Variants in RASGRF1 observed in about 807,000 individuals in gnomAD.
The protein encoded by RASGRF1 is ras-specific guanine nucleotide-releasing factor 1.
Under a neutral mutation model 138.7 loss-of-function variants are expected in RASGRF1, and 40 were observed. The observed-to-expected ratio is 0.29, with a 90% CI of 0.22 to 0.38. RASGRF1 has a LOEUF of 0.38. Ranked by LOEUF, RASGRF1 falls within the 10% of genes least tolerant of loss-of-function variation. The probability of loss-of-function intolerance (pLI) is 1.00; values close to 1 mark genes in which losing one functional copy is unlikely to be tolerated. For synonymous variants in RASGRF1, 614 were observed against 663.2 expected (o/e 0.93, Z 1.14); for missense variants, 1,108 against 1,650.4 (o/e 0.67, Z 5.69).
intron 14 of RASGRF1, chr15:79,005,330 AGCTCT>A (rs574715770): frequency 2.0e-6 from 2 of 985,332 alleles, no homozygotes; most frequent in African/African-American, 3.5e-5. Flanking sequence ...GTGATTCAGG[AGCTCT>A]GCTCCAGGCA....
Position 79,090,721 on chromosome 15 carries a change from G to T in RASGRF1, c.-223C>A. On this transcript the variant is annotated 5_prime_UTR_variant, in exon 1 of 27. Coordinates refer to ENST00000558480, the MANE Select transcript of RASGRF1 (RefSeq NM_001145648.3). The stretch of plus-strand genomic sequence containing the variant: ...TGGAACCTCTTCTCCGCTCCGCAGA[G>T]CCCCAGTACCCGGAAGATGCCGCCC... 1.6e-6 allele frequency: 1 copy of T among 626,258 alleles called. No individual in the cohort carries two copies. Among genetic ancestry groups the T allele is most frequent in the Non-Finnish European group, 2.6e-6 (1 of 377,898 alleles). 38.8% of individuals were successfully genotyped at this position (626,258 alleles called of 1,614,324 possible).
At chr15:79,071,423 AG>A (rs2057753908) in intron 1 of RASGRF1, among the ~76,000 whole-genome samples, 1 of 149,304 alleles carries the variant, frequency 6.7e-6, no homozygotes, top group South Asian at 2.1e-4. Flanking sequence ...ACAGTGGCAC[AG>A]TCTCTGCTCA....
intron 19 of RASGRF1, chr15:78,997,836 T>C (rs1388920226): frequency 6.2e-6 from 3 of 486,548 alleles, no homozygotes; most frequent in Non-Finnish European, 1.1e-5. Context: ...TGGACACACA[T>C]GGAGAAGTGT....
intron 8 of RASGRF1, among the ~76,000 whole-genome samples, chr15:79,029,896 G>A (rs1376637494): frequency 1.3e-5 from 2 of 152,156 alleles, no homozygotes; most frequent in African/African-American, 2.4e-5. Context: ...GGCACCATGT[G>A]CCACCTGCAG....
rs2056666821 is a variant in RASGRF1, at chr15:79,006,086, C to T, written c.2075+100G>A. On this transcript the variant is annotated intron_variant, in intron 14 of 26. Transcript: ENST00000558480. This position sits in a 1 kb window ranked among gnomAD's most constrained non-coding sequence, Gnocchi z 4.0. ...CCCCAACACGTTACTGCTGCTCCTC[C>T]AGGGACCTTCCAGGTCACCCCCCGG... 23 of 1,525,236 alleles carry T rather than the reference C, an allele frequency of 1.5e-5. No homozygotes were observed. In the Middle Eastern group the frequency reaches 5.8e-4, roughly 38 times the overall value. 94.5% of individuals were successfully genotyped at this position (1,525,236 alleles called of 1,614,324 possible).
rs532473159 is a variant in RASGRF1 at position 79,047,214 on chromosome 15, C to T, written c.625-215G>A. On this transcript the variant is annotated intron_variant, in intron 4 of 26. Coordinates refer to ENST00000558480, the MANE Select transcript of RASGRF1 (RefSeq NM_001145648.3). The stretch of plus-strand genomic sequence containing the variant: ...GGTTGCCCTGAGTCAGTTTTCCCAT[C>T]TGTAAAATGGGGCTAAAGAGATGAT... Among the ~76,000 whole-genome samples, 6 of 152,308 alleles carry T rather than the reference C, an allele frequency of 3.9e-5. No individual in the cohort carries two copies. The South Asian group carries it at 1.2e-3, about 32-fold the overall frequency.
intron 1 of RASGRF1, among the ~76,000 whole-genome samples, chr15:79,085,486 A>C (rs189197294): frequency 6.6e-6 from 1 of 152,340 alleles, no homozygotes. Flanking sequence ...ACAACATCCC[A>C]GGGTTCTGTG....
At chr15:78,977,068 T>C (rs762244476) in intron 24 of RASGRF1, among the ~76,000 whole-genome samples, 2 of 152,182 alleles carry the variant, frequency 1.3e-5, no homozygotes, top group Non-Finnish European at 2.9e-5. Context: ...CTGATGATGT[T>C]AAATGGAATA....
Position 79,046,606 on chromosome 15 carries a change from A to G in RASGRF1, c.878+140T>C. 7.2e-7 allele frequency: 1 copy of G among 1,387,862 alleles called. No homozygotes were observed. The highest frequency in any genetic ancestry group is 9.9e-7 in the Non-Finnish European group (1 of 1,014,512). The allele number at this position is 1,387,862 out of a possible 1,614,324, so 86.0% of individuals were successfully genotyped here. The stretch of plus-strand genomic sequence containing the variant: ...TTATTGGGGTTGGTGGTTTCTAGCC[A>G]CGTGATCTTGGGCACTTCTGTCCTC... On this transcript the variant is annotated intron_variant, in intron 5 of 26. Transcript: ENST00000558480. This position sits in a 1 kb window ranked among gnomAD's most constrained non-coding sequence, Gnocchi z 5.3.
chr15:78,990,296 C>T, intron 21 of RASGRF1, 23 bp from the exon 22 acceptor site: 1 of 1,505,414 alleles, frequency 6.6e-7, no homozygotes, highest in African/African-American at 1.4e-5. Context: ...AGGGGAGACC[C>T]AGGTGGAGGG....
At chr15:79,011,125 G>A (rs1011332102) in intron 13 of RASGRF1, among the ~76,000 whole-genome samples, 1 of 151,992 alleles carries the variant, frequency 6.6e-6, no homozygotes, top group African/African-American at 2.4e-5. Context: ...CCCCATAAGA[G>A]TGGCTGGCAG....
At chr15:79,033,045 C>T (rs1567551442) in intron 6 of RASGRF1, among the ~76,000 whole-genome samples, 1 of 152,168 alleles carries the variant, frequency 6.6e-6, no homozygotes, top group Non-Finnish European at 1.5e-5. Flanking sequence ...CGTTCATCTG[C>T]CATTGTCCAA....
Position 79,058,388 on chromosome 15 carries a change from C to T in RASGRF1, c.477G>A (p.Gln159=). The change falls in exon 3 of 27, where the codon CAG becomes CAA. Residue 159 remains glutamine, a synonymous_variant. Transcript: ENST00000558480. ...IVETEKTVAK[Q]LRQQIEDGEI... Reference sequence around the variant, plus strand: ...CCCCATCCTCGATCTGCTGCCGAAGCTGCTTGGCCACGGTCTTCTCTGTCT... The same window carrying T: ...CCCCATCCTCGATCTGCTGCCGAAGTTGCTTGGCCACGGTCTTCTCTGTCT... 1 of 1,614,194 alleles carries T rather than the reference C, an allele frequency of 6.2e-7. No homozygotes were observed. Among genetic ancestry groups the T allele is most frequent in the South Asian group, 1.1e-5 (1 of 91,088 alleles).
At chr15:79,066,056 C>G (rs2057676452) in intron 1 of RASGRF1, among the ~76,000 whole-genome samples, 1 of 151,984 alleles carries the variant, frequency 6.6e-6, no homozygotes, top group Admixed American at 6.5e-5. Context: ...CCTCAAATAA[C>G]TGAATCTGAA....
At chr15:78,993,109 G>A (rs1023515838) in intron 20 of RASGRF1, among the ~76,000 whole-genome samples, 1 of 144,148 alleles carries the variant, frequency 6.9e-6, no homozygotes, top group Admixed American at 6.9e-5. Flanking sequence ...TGTTTGTGGT[G>A]TGGGGTGTGT....
chr15:79,060,377 C>T (rs1206287397), intron 2 of RASGRF1, among the ~76,000 whole-genome samples: 1 of 152,228 alleles, frequency 6.6e-6, no homozygotes, highest in Non-Finnish European at 1.5e-5. Flanking sequence ...TTGACACGTG[C>T]TGCTGGCTTC....
intron 24 of RASGRF1, among the ~76,000 whole-genome samples, chr15:78,974,723 T>G (rs2055839680): frequency 6.6e-6 from 1 of 152,220 alleles, no homozygotes; most frequent in South Asian, 2.1e-4. Flanking sequence ...CATTTTCTCT[T>G]TTTAGACAAA....
chr15:79,034,893 T>C (rs1333536039), intron 6 of RASGRF1, among the ~76,000 whole-genome samples: 2 of 152,270 alleles, frequency 1.3e-5, no homozygotes, highest in African/African-American at 4.8e-5. Flanking sequence ...CTTAAATGGA[T>C]GTGTATACAT....
chr15:79,020,780 G>T (rs2056950156), intron 10 of RASGRF1, among the ~76,000 whole-genome samples: 1 of 152,238 alleles, frequency 6.6e-6, no homozygotes. Flanking sequence ...AGCTGTGGTG[G>T]TTGTAAGACA....
Sources: allele counts gnomAD v4.1 joint callset (sites outside exome capture counted in the v4.1 genomes callset), GRCh38; gene constraint gnomAD v4.1.1; non-coding constraint Gnocchi (gnomAD v3.1); transcripts MANE v1.5; gene names NCBI Gene and HGNC (gene_info 2026-07-23, HGNC 2026-07-21).